The following UNC79 variants were observed in gnomAD, a reference collection of about 807,000 sequenced individuals.
The protein encoded by UNC79 is unc-79 subunit of NALCN channel complex, also known as protein unc-79 homolog.
A neutral mutation model predicts 283.1 loss-of-function variants in UNC79; 37 were observed. That is an observed-to-expected ratio of 0.13 (90% CI 0.10 to 0.17). UNC79 has a LOEUF of 0.17. Among genes scored for constraint, UNC79 ranks in the 10% least tolerant of loss-of-function variants. The pLI is 1.00. For synonymous variants in UNC79, 1,107 were observed against 1,200.2 expected (o/e 0.92, Z 1.61); for missense variants, 2,272 against 3,211.1 (o/e 0.71, Z 7.07).
chr14:93,394,682 C>T (rs1212356219), intron 1 of UNC79, among the ~76,000 whole-genome samples: 15 of 152,096 alleles, frequency 9.9e-5, no homozygotes, highest in Non-Finnish European at 2.1e-4. Context: ...GCTGGGATTA[C>T]AGGCGTGAGC....
intron 1 of UNC79, among the ~76,000 whole-genome samples, chr14:93,374,652 C>A (rs2054519291): frequency 6.6e-6 from 1 of 152,170 alleles, no homozygotes; most frequent in Non-Finnish European, 1.5e-5. Flanking sequence ...GATCCTCCCA[C>A]CTCAGCCTCC....
chr14:93,636,363 G>A (rs1276595242), intron 31 of UNC79, among the ~76,000 whole-genome samples: 1 of 152,086 alleles, frequency 6.6e-6, no homozygotes, highest in Non-Finnish European at 1.5e-5. Context: ...AGTCCTACAA[G>A]CATCATCTCA....
At chr14:93,694,547 C>T (rs956691007) in intron 47 of UNC79, 135 bp downstream of exon 50, 4 of 788,686 alleles carry the variant, frequency 5.1e-6, no homozygotes, top group Admixed American at 2.4e-5. Context: ...GCTCCTATAA[C>T]AACCCTTTAC....
At chr14:93,444,917 T>C (rs1207391217) in intron 1 of UNC79, among the ~76,000 whole-genome samples, 6 of 152,234 alleles carry the variant, frequency 3.9e-5, no homozygotes, top group African/African-American at 1.4e-4. Context: ...GATTTTGGTC[T>C]ATAGATCCAT....
chr14:93,598,713 G>C (rs2065271819), intron 24 of UNC79, among the ~76,000 whole-genome samples: 1 of 152,066 alleles, frequency 6.6e-6, no homozygotes, highest in African/African-American at 2.4e-5. Context: ...GTAAAGACAG[G>C]GTTTTGCTAT....
intron 26 of UNC79, 39 bp from the exon 27 acceptor site, chr14:93,604,857 G>A: frequency 1.3e-6 from 2 of 1,536,794 alleles, no homozygotes; most frequent in East Asian, 4.7e-5. Context: ...CCAGTTGTCT[G>A]TAATGCTTAT....
At chr14:93,349,499 CCTATA>C (rs200996333) in intron 1 of UNC79, among the ~76,000 whole-genome samples, 3,375 of 152,210 alleles carry the variant, frequency 0.022, 56 homozygotes, top group Non-Finnish European at 0.035. Flanking sequence ...TCATTATCCC[CCTATA>C]AGGTTATACC....
At chr14:93,587,578 T>C (rs2064310528) in intron 22 of UNC79, among the ~76,000 whole-genome samples, 1 of 152,226 alleles carries the variant, frequency 6.6e-6, no homozygotes, top group Admixed American at 6.5e-5. Flanking sequence ...TCAACAAATA[T>C]GAGGGCTTAC....
At chr14:93,665,734 A>G (rs1314450465) in intron 40 of UNC79, among the ~76,000 whole-genome samples, 1 of 152,060 alleles carries the variant, frequency 6.6e-6, no homozygotes, top group African/African-American at 2.4e-5. Flanking sequence ...AGTCTTTAAA[A>G]TGATAAGAAA....
chr14:93,622,076 A>T, exon 30 of UNC79: 1 of 1,613,796 alleles, frequency 6.2e-7, no homozygotes, highest in Non-Finnish European at 8.5e-7. Flanking sequence ...CTCAGATTCA[A>T]CCTCGGGGCC....
chr14:93,470,450 A>G (rs1226973251), intron 2 of UNC79, among the ~76,000 whole-genome samples: 1 of 152,192 alleles, frequency 6.6e-6, no homozygotes, highest in Non-Finnish European at 1.5e-5. Context: ...ATTAGACTCA[A>G]ATTTGTGTTC....
At chr14:93,695,192 T>C (rs1250757356) in intron 47 of UNC79, among the ~76,000 whole-genome samples, 1 of 152,134 alleles carries the variant, frequency 6.6e-6, no homozygotes, top group Non-Finnish European at 1.5e-5. Flanking sequence ...TATTTCTTTA[T>C]CTTTCACCTC....
chr14:93,618,101 G>C (rs2066863508), intron 28 of UNC79, 91 bp from the exon 30 acceptor site: 2 of 1,376,368 alleles, frequency 1.5e-6, no homozygotes, highest in South Asian at 2.8e-5. Flanking sequence ...ATCCCCAAGA[G>C]ATACTGCAAA....
chr14:93,359,328 C>T (rs1356796808), intron 1 of UNC79, among the ~76,000 whole-genome samples: 12 of 152,120 alleles, frequency 7.9e-5, no homozygotes, highest in East Asian at 3.8e-4. Flanking sequence ...TGGGAGGGTC[C>T]GGAAGGTATA....
chr14:93,568,144 C>G (rs2063004296), intron 14 of UNC79, among the ~76,000 whole-genome samples: 1 of 152,088 alleles, frequency 6.6e-6, no homozygotes, highest in Admixed American at 6.5e-5. Flanking sequence ...AATTTTGGTG[C>G]CCAAGGTTTT....
chr14:93,645,365 C>T (rs143992326), intron 34 of UNC79, among the ~76,000 whole-genome samples: 76 of 152,278 alleles, frequency 5.0e-4, no homozygotes, highest in African/African-American at 1.7e-3. Context: ...TAAATCTCTA[C>T]CTCCTTTGGG....
At chr14:93,533,871 C>T (rs1029222037) in intron 11 of UNC79, among the ~76,000 whole-genome samples, 42 of 152,214 alleles carry the variant, frequency 2.8e-4, no homozygotes, top group Admixed American at 2.0e-4. Flanking sequence ...AAAATATGCT[C>T]ACCATTTTAT....
intron 1 of UNC79, among the ~76,000 whole-genome samples, chr14:93,390,520 A>G (rs1161105483): frequency 1.3e-5 from 2 of 152,186 alleles, no homozygotes; most frequent in African/African-American, 4.8e-5. Flanking sequence ...GAGTAAATAA[A>G]CTGTCACTAT....
chr14:93,623,765 C>T (rs12100860), intron 30 of UNC79, among the ~76,000 whole-genome samples: 2,695 of 152,164 alleles, frequency 0.018, 73 homozygotes, highest in African/African-American at 0.061. Context: ...TGGTGGCGCA[C>T]GCCTATCATC....
Sources: allele counts gnomAD v4.1 joint callset (sites outside exome capture counted in the v4.1 genomes callset), GRCh38; gene constraint gnomAD v4.1.1; transcripts MANE v1.5; gene names NCBI Gene and HGNC (gene_info 2026-07-23, HGNC 2026-07-21).